Variants in MOV10 observed in about 807,000 individuals in gnomAD.
MOV10 encodes the protein RNA helicase MOV-10.
A neutral mutation model predicts 108.4 loss-of-function variants in MOV10; 39 were observed. The observed-to-expected ratio is 0.36, with a 90% CI of 0.28 to 0.47. MOV10 has a LOEUF of 0.47. Ranked by LOEUF, MOV10 falls within the 20% of genes least tolerant of loss-of-function variation. MOV10 has a pLI of 1.00. For synonymous variants in MOV10, 490 were observed against 523.1 expected (o/e 0.94, Z 0.86); for missense variants, 952 against 1,297.6 (o/e 0.73, Z 4.09).
rs1490325825 is a variant in MOV10 at position 112,689,986 on chromosome 1, G to A, written c.724G>A (p.Ala242Thr). 26 of 1,613,964 alleles carry A rather than the reference G, an allele frequency of 1.6e-5. No homozygotes were observed. The highest frequency in any genetic ancestry group is 2.7e-5 in the African/African-American group (2 of 74,896). The change falls in exon 5 of 21, where the codon GCC becomes ACC. Residue 242 changes from alanine to threonine, a missense_variant. Ala to Thr is a moderately conservative substitution (Grantham distance 58). Coordinates refer to ENST00000369645, the MANE Select transcript of MOV10 (RefSeq NM_001321324.2). ...CATTGCCCGCTTCTTGGCTGCCGTC[G>A]CCCACAGCCCCCTGGCTGCACAGCT... ...FYIARFLAAVAHSPLAAQLKP... is the reference protein window; with the variant it reads ...FYIARFLAAVTHSPLAAQLKP...
intron 2 of MOV10, among the ~76,000 whole-genome samples, chr1:112,686,683 C>G (rs1490463114): frequency 6.6e-6 from 1 of 152,208 alleles, no homozygotes; most frequent in Non-Finnish European, 1.5e-5. Flanking sequence ...ATCCAAATGT[C>G]ATGGTCAGTC....
intron 2 of MOV10, among the ~76,000 whole-genome samples, chr1:112,680,229 T>G (rs915094225): frequency 2.0e-5 from 3 of 152,106 alleles, no homozygotes; most frequent in Non-Finnish European, 4.4e-5. Context: ...GTGTTTTATA[T>G]GCATAGAAAA....
In MOV10 at chr1:112,692,856, G is replaced by A. The variant is rs989775366; in HGVS notation, c.1067G>A (p.Arg356Gln). The change falls in exon 7 of 21, where the codon CGG becomes CAG. Residue 356 changes from arginine (R) to glutamine (Q), a missense_variant. Transcript: ENST00000369645. ...LEELQMEHDI[R>Q]HYDLESVPMT... ...GAACTGCAGATGGAGCATGATATCCGGCACTATGACCTGGAGTCGGTGCCC... is the reference window on the plus strand; with the variant it reads ...GAACTGCAGATGGAGCATGATATCCAGCACTATGACCTGGAGTCGGTGCCC... The A allele has an allele frequency of 1.4e-5, 22 of 1,613,792 alleles. No individual in the cohort carries two copies. Among genetic ancestry groups the A allele is most frequent in the Non-Finnish European group, 1.7e-5 (20 of 1,179,968 alleles).
chr1:112,680,745 TAGGC>T, intron 2 of MOV10, among the ~76,000 whole-genome samples: 1 of 148,120 alleles, frequency 6.8e-6, no homozygotes. Flanking sequence ...CTCTGTCACT[TAGGC>T]TGGAGTGCAG....
In MOV10 at chr1:112,689,222, T is replaced by G. The variant is rs116227824; in HGVS notation, c.341+84T>G. On this transcript the variant is annotated intron_variant, in intron 3 of 20. Transcript: ENST00000369645. ...GCTATCTGTGTGAGGAAAGAGTGGGTTACACAAGTGGGAATAAGTCCCCCT... is the reference window on the plus strand; with the variant it reads ...GCTATCTGTGTGAGGAAAGAGTGGGGTACACAAGTGGGAATAAGTCCCCCT... The G allele has an allele frequency of 1.1e-3, 1,612 of 1,416,278 alleles. 16 individuals are homozygous for G. In the African/African-American group the frequency reaches 0.016, roughly 14 times the overall value. 87.7% of individuals were successfully genotyped at this position (1,416,278 alleles called of 1,614,324 possible).
intron 19 of MOV10, 22 bp downstream of exon 19, chr1:112,700,004 T>C: frequency 6.2e-7 from 1 of 1,613,664 alleles, no homozygotes; most frequent in African/African-American, 1.3e-5. Context: ...CACCCCATTC[T>C]CCCTCTTAGT....
chr1:112,679,989 A>C (rs1672496114), intron 2 of MOV10, among the ~76,000 whole-genome samples: 1 of 152,124 alleles, frequency 6.6e-6, no homozygotes, highest in Non-Finnish European at 1.5e-5. Context: ...CTACAAGTAC[A>C]AGGGTTTGTG....
chr1:112,698,679 T>A (rs762133011), intron 16 of MOV10, 36 bp from the exon 17 acceptor site: 2 of 1,597,494 alleles, frequency 1.3e-6, no homozygotes, highest in South Asian at 2.2e-5. Flanking sequence ...ATTAGGTTAA[T>A]GGCACGAGAG....
At chr1:112,696,285 T>C (rs1674081584) in intron 12 of MOV10, 34 bp downstream of exon 12, 1 of 1,516,484 alleles carries the variant, frequency 6.6e-7, no homozygotes, top group Non-Finnish European at 9.2e-7. Context: ...CTCTGAATCG[T>C]AAGTGTAATT....
Position 112,674,867 on chromosome 1 carries a change from T to G in MOV10, c.-46T>G. The G allele has an allele frequency of 6.6e-7, 1 of 1,513,370 alleles. No individual in the cohort carries two copies. The highest frequency in any genetic ancestry group is 8.8e-7 in the Non-Finnish European group (1 of 1,134,952). The allele number at this position is 1,513,370 out of a possible 1,614,324, so 93.7% of individuals were successfully genotyped here. A position where few individuals can be genotyped will look rare whatever the true frequency, so the allele number is the denominator to read the frequency against. ...TTCCAGCTGCAGCGGCGACTTTCAG[T>G]TTCATTTCCACGGACCCTCCTGCCT... On this transcript the variant is annotated 5_prime_UTR_variant, in exon 2 of 21. Coordinates refer to ENST00000369645, the MANE Select transcript of MOV10 (RefSeq NM_001321324.2).
rs774355449 is a variant in MOV10, at chr1:112,691,631, G to T, written c.837-34G>T. 6 of 1,605,834 alleles carry T rather than the reference G, an allele frequency of 3.7e-6. No homozygotes were observed. The African/African-American group carries it at 4.0e-5, about 11-fold the overall frequency. ...CGTTCTCAGAGTGTTGGAGGGTGAGGGGTTTTCTGTGTTTTCTTCCCTCGA... is the reference window on the plus strand; with the variant it reads ...CGTTCTCAGAGTGTTGGAGGGTGAGTGGTTTTCTGTGTTTTCTTCCCTCGA... On this transcript the variant is annotated intron_variant, in intron 5 of 20. Coordinates refer to ENST00000369645, the MANE Select transcript of MOV10 (RefSeq NM_001321324.2).
Position 112,698,044 on chromosome 1 carries a change from A to G in MOV10, c.2249A>G (p.Glu750Gly), listed in dbSNP as rs748325491. Residue 750 changes from glutamate to glycine, a missense_variant, in exon 15 of 21, where the codon GAG (glutamate) becomes GGG (glycine). Physicochemically the swap from Glu to Gly is moderately conservative, Grantham distance 98. Transcript: ENST00000369645. ...CCTAACCAGCTCTATTATGAAGGGG[A>G]GCTGCAGGCCTGTGCTGATGTCGTG... ...DIPNQLYYEGELQACADVVDR... is the reference protein window; with the variant it reads ...DIPNQLYYEGGLQACADVVDR... 5 of 1,613,982 alleles carry G rather than the reference A, an allele frequency of 3.1e-6. No homozygotes were observed. Among genetic ancestry groups the G allele is most frequent in the Non-Finnish European group, 4.2e-6 (5 of 1,180,018 alleles).
rs1261091369 is a variant in MOV10 at position 112,700,327 on chromosome 1, C to A, written c.2907C>A (p.Ser969Arg). 6.2e-7 allele frequency: 1 copy of A among 1,614,244 alleles called. No individual in the cohort carries two copies. The highest frequency in any genetic ancestry group is 1.6e-4 in the Middle Eastern group (1 of 6,062). The change falls in exon 20 of 21, where the codon AGC becomes AGA. Residue 969 changes from serine (S) to arginine (R), a missense_variant. Coordinates refer to ENST00000369645, the MANE Select transcript of MOV10 (RefSeq NM_001321324.2). The part of the protein sequence containing the change: ...QNLLQGLSKL[S>R]PSTSGPHSHD... Reference sequence around the variant, plus strand: ...TACTGCAAGGTCTGAGCAAGCTCAGCCCCTCTACCTCAGGTATGGCTGGGC... The same window carrying A: ...TACTGCAAGGTCTGAGCAAGCTCAGACCCTCTACCTCAGGTATGGCTGGGC...
Position 112,695,451 on chromosome 1 carries a change from C to A in MOV10, c.1656C>A (p.Ala552=). 1 of 1,614,208 alleles carries A rather than the reference C, an allele frequency of 6.2e-7. No individual in the cohort carries two copies. Among genetic ancestry groups the A allele is most frequent in the East Asian group, 2.2e-5 (1 of 44,878 alleles). ...VKHLPKAHIL[A]CAPSNSGADL... ...ACTTGCCCAAAGCCCACATCTTGGC[C>A]TGCGCTCCATCCAACTCAGGGGCTG... The change falls in exon 11 of 21, where the codon GCC becomes GCA. Residue 552 remains alanine, a synonymous_variant. Transcript: ENST00000369645.
chr1:112,677,898 C>T (rs1267527358), intron 2 of MOV10, among the ~76,000 whole-genome samples: 5 of 152,100 alleles, frequency 3.3e-5, no homozygotes, highest in Non-Finnish European at 7.3e-5. Flanking sequence ...CTTGCCTTTT[C>T]CCACCTACCT....
chr1:112,684,903 T>C (rs979721751), intron 2 of MOV10: 2 of 152,256 alleles, frequency 1.3e-5, no homozygotes, highest in Non-Finnish European at 2.9e-5. Flanking sequence ...TTATATATTA[T>C]AAAAATTAGC....
chr1:112,695,375 T>C, intron 10 of MOV10, 41 bp from the exon 11 acceptor site: 1 of 1,603,970 alleles, frequency 6.2e-7, no homozygotes, highest in Non-Finnish European at 8.5e-7. Context: ...CGGCTGAGTC[T>C]CAGGAACCTG....
At position 112,675,356 on chromosome 1, in the gene MOV10, C is replaced by T. The variant is rs1436900720; in HGVS notation, c.137+307C>T. 2.0e-5 allele frequency among the ~76,000 whole-genome samples: 3 copies of T among 152,156 alleles called. No individual in the cohort carries two copies. The highest frequency in any genetic ancestry group is 2.9e-5 in the Non-Finnish European group (2 of 68,012). ...GGGAGCTGCGTCCCGCGTCCATGCG[C>T]CGCTCGCGGGGGCTGAGGGACAGCG... On this transcript the variant is annotated intron_variant, in intron 2 of 20. Transcript: ENST00000369645. The surrounding 1 kb of genome is among the most constrained non-coding windows in gnomAD (Gnocchi z 4.7).
chr1:112,675,205 G>T lies in MOV10; in HGVS notation c.137+156G>T, dbSNP rs969248274. ...GGGCGGCGCAGACCTCCCCTCCCGC[G>T]CCTCGCCCACGCCCCACCAGCGCCG... On this transcript the variant is annotated intron_variant, in intron 2 of 20. Transcript: ENST00000369645. This position sits in a 1 kb window ranked among gnomAD's most constrained non-coding sequence, Gnocchi z 4.7. 6.6e-6 allele frequency among the ~76,000 whole-genome samples: 1 copy of T among 151,936 alleles called. No homozygotes were observed. The highest frequency in any genetic ancestry group is 1.5e-5 in the Non-Finnish European group (1 of 67,944).
Sources: allele counts gnomAD v4.1 joint callset (sites outside exome capture counted in the v4.1 genomes callset), GRCh38; gene constraint gnomAD v4.1.1; non-coding constraint Gnocchi (gnomAD v3.1); transcripts MANE v1.5; gene names NCBI Gene and HGNC (gene_info 2026-07-23, HGNC 2026-07-21).